The following PDGFRA variants were observed in gnomAD, a reference collection of about 807,000 sequenced individuals.
The protein encoded by PDGFRA is platelet-derived growth factor receptor alpha.
Under a neutral mutation model 121.5 loss-of-function variants are expected in PDGFRA, and 25 were observed. The ratio of observed to expected loss-of-function variants is 0.21; its 90% CI spans 0.15 to 0.29. PDGFRA has a LOEUF of 0.29. PDGFRA is among the 10% of genes least tolerant of loss of function. The pLI is 1.00. For missense variants in PDGFRA, 1,008 were observed against 1,345.1 expected, an observed-to-expected ratio of 0.75 and a Z score of 3.92; for synonymous variants, 463 against 494.8, an observed-to-expected ratio of 0.94 and a Z score of 0.85.
rs1723525802 is a variant in PDGFRA at position 54,273,574 on chromosome 4, A to G, written c.1402A>G (p.Asn468Asp). 2.5e-6 allele frequency: 4 copies of G among 1,614,122 alleles called. No homozygotes were observed. Among genetic ancestry groups the G allele is most frequent in the Non-Finnish European group, 3.4e-6 (4 of 1,180,020 alleles). The change falls in exon 10 of 23, where the codon AAT (asparagine) becomes GAT (aspartate). Residue 468 changes from asparagine (N) to aspartate (D), a missense_variant. Asn to Asp is a conservative substitution (Grantham distance 23, BLOSUM62 1). Around this residue, in one of 5 missense-constraint regions of PDGFRA, gnomAD observed 575 missense variants for 701.8 expected, o/e 0.82. Coordinates refer to ENST00000257290, the MANE Select transcript of PDGFRA (RefSeq NM_006206.6). ...AACTTCCTGGACTATTTTGGCCAAC[A>G]ATGTCTCAAACATCATCACGGAGAT... Reference protein sequence around the residue: ...NETSWTILANNVSNIITEIHS... With the variant: ...NETSWTILANDVSNIITEIHS...
In PDGFRA at chr4:54,279,756, T is replaced by G. The variant is rs567713996; in HGVS notation, c.2157-560T>G. ...GTCCATTGTGTCATTCTTATGCCTT[T>G]GCATCCTCATAGCTTAGCTCTCACT... On this transcript the variant is annotated intron_variant, in intron 15 of 22. Coordinates refer to ENST00000257290, the MANE Select transcript of PDGFRA (RefSeq NM_006206.6). Among the ~76,000 whole-genome samples, 69 of 152,290 alleles carry G rather than the reference T, an allele frequency of 4.5e-4. No individual in the cohort carries two copies. In the South Asian group the frequency reaches 0.014, roughly 32 times the overall value.
chr4:54,242,006 C>A (rs1721327990), intron 1 of PDGFRA, among the ~76,000 whole-genome samples: 1 of 152,144 alleles, frequency 6.6e-6, no homozygotes, highest in Non-Finnish European at 1.5e-5. Flanking sequence ...AGATTTATAT[C>A]TTTTCCTTTT....
At position 54,296,367 on chromosome 4, in the gene PDGFRA, G is replaced by GTTTTTTT. The variant is rs34529347; in HGVS notation, c.*1105_*1111dup. On this transcript the variant is annotated 3_prime_UTR_variant, in exon 23 of 23. Coordinates refer to ENST00000257290, the MANE Select transcript of PDGFRA (RefSeq NM_006206.6). ...CAGCAAAAAGACTGGATTTGCAGAAGTTTTTTTTTTTTTTTTCTTCATGCC... is the reference window on the plus strand; with the variant it reads ...CAGCAAAAAGACTGGATTTGCAGAAGTTTTTTTTTTTTTTTTTTTTTTTCTTCATGCC... 9.8e-6 allele frequency: 2 copies of GTTTTTTT among 204,280 alleles called. No homozygotes were observed. The highest frequency in any genetic ancestry group is 2.4e-5 in the African/African-American group (1 of 42,436). The allele number at this position is 204,280 out of a possible 1,614,324, so 12.7% of individuals were successfully genotyped here.
In PDGFRA at chr4:54,279,901, G is replaced by GTT. The variant is rs1553905233; in HGVS notation, c.2157-414_2157-413dup. Among the ~76,000 whole-genome samples the GTT allele has an allele frequency of 6.9e-3, 901 of 130,102 alleles. 6 individuals are homozygous for GTT. The highest frequency in any genetic ancestry group is 0.012 in the Non-Finnish European group (731 of 63,270). The allele number at this position is 130,102 out of a possible 152,430, so 85.4% of individuals were successfully genotyped here. Reference sequence around the variant, plus strand: ...TTAATTCATTCCTTTTTATAGCTGAGTTACATATATATATATATATATGCA... The same window carrying GTT: ...TTAATTCATTCCTTTTTATAGCTGAGTTTTACATATATATATATATATATGCA... On this transcript the variant is annotated intron_variant, in intron 15 of 22. Transcript: ENST00000257290.
In PDGFRA at chr4:54,297,211, T is replaced by C. The variant is rs368579295; in HGVS notation, c.*1939T>C. The C allele has an allele frequency of 7.8e-4, 182 of 233,684 alleles. 4 individuals carry two copies. The South Asian group carries it at 0.03, about 39-fold the overall frequency. The allele number at this position is 233,684 out of a possible 1,614,324, so 14.5% of individuals were successfully genotyped here. On this transcript the variant is annotated 3_prime_UTR_variant, in exon 23 of 23. Transcript: ENST00000257290. ...CATTGGCATTCTTTGCAATACTGCT[T>C]AATTGCTGATACCATATGAATGAAA... is the stretch of plus-strand genomic sequence containing the variant.
chr4:54,277,554 G>A, intron 13 of PDGFRA, 62 bp downstream of exon 13: 2 of 1,096,540 alleles, frequency 1.8e-6, no homozygotes, highest in Non-Finnish European at 2.8e-6. Flanking sequence ...GGGATATTAA[G>A]GGAATTTCTC....
chr4:54,281,521 C>T (rs1009972479), intron 16 of PDGFRA: 32 of 1,170,704 alleles, frequency 2.7e-5, no homozygotes, highest in South Asian at 1.2e-4. Context: ...TGAGAGTTAT[C>T]GGAACCAGTA....
chr4:54,239,214 C>T (rs1401267324), intron 1 of PDGFRA, among the ~76,000 whole-genome samples: 2 of 152,232 alleles, frequency 1.3e-5, no homozygotes, highest in African/African-American at 4.8e-5. Flanking sequence ...GGGAGGAACC[C>T]TCAGTCCTGG....
chr4:54,274,111 T>C (rs1329202081), intron 10 of PDGFRA, among the ~76,000 whole-genome samples: 1 of 152,216 alleles, frequency 6.6e-6, no homozygotes, highest in Non-Finnish European at 1.5e-5. Context: ...ATCTTCTGTC[T>C]CATTGCTCCT....
chr4:54,294,601 G>C (rs994742855), intron 22 of PDGFRA, among the ~76,000 whole-genome samples: 1 of 151,988 alleles, frequency 6.6e-6, no homozygotes, highest in African/African-American at 2.4e-5. Flanking sequence ...TCTCTAGTAC[G>C]TAAGGAGCCG....
chr4:54,240,097 C>A, intron 1 of PDGFRA: 1 of 403,190 alleles, frequency 2.5e-6, no homozygotes, highest in Non-Finnish European at 5.1e-6. Context: ...AAATGATCTG[C>A]CTGCCTCAGC....
intron 1 of PDGFRA, among the ~76,000 whole-genome samples, chr4:54,245,269 G>C (rs1721572553): frequency 6.6e-6 from 1 of 152,160 alleles, no homozygotes; most frequent in Non-Finnish European, 1.5e-5. Context: ...ATAATTGTCA[G>C]ATTCACCAAA....
intron 16 of PDGFRA, among the ~76,000 whole-genome samples, chr4:54,283,148 C>T (rs373272018): frequency 1.3e-5 from 2 of 152,312 alleles, no homozygotes; most frequent in South Asian, 4.2e-4. Flanking sequence ...CTCGTAGCTT[C>T]ACGAGGCAGT....
intron 16 of PDGFRA, among the ~76,000 whole-genome samples, chr4:54,284,869 T>G: frequency 7.1e-6 from 1 of 141,524 alleles, no homozygotes. Flanking sequence ...CTTTCTTTCA[T>G]TCTTTCTATC....
chr4:54,295,774 A>G lies in PDGFRA; in HGVS notation c.*502A>G, dbSNP rs2110360059. 1 of 243,382 alleles carries G rather than the reference A, an allele frequency of 4.1e-6. No homozygotes were observed. The highest frequency in any genetic ancestry group is 5.9e-5 in the East Asian group (1 of 17,034). The allele number at this position is 243,382 out of a possible 1,614,324, so 15.1% of individuals were successfully genotyped here. A position where few individuals can be genotyped will look rare whatever the true frequency, so the allele number is the denominator to read the frequency against. Reference sequence around the variant, plus strand: ...AACTTTTTAAAGAAGTGCATGAAAAACCATTTTTGAACCTTAAAAGGTACT... The same window carrying G: ...AACTTTTTAAAGAAGTGCATGAAAAGCCATTTTTGAACCTTAAAAGGTACT... On this transcript the variant is annotated 3_prime_UTR_variant, in exon 23 of 23. Transcript: ENST00000257290.
chr4:54,241,295 G>A (rs910925355), intron 1 of PDGFRA, among the ~76,000 whole-genome samples: 16 of 152,060 alleles, frequency 1.1e-4, no homozygotes, highest in South Asian at 2.1e-4. Flanking sequence ...ATATGAAGAC[G>A]TATTTTTGGT....
chr4:54,246,487 A>T (rs1415264479), intron 1 of PDGFRA, among the ~76,000 whole-genome samples: 1 of 152,200 alleles, frequency 6.6e-6, no homozygotes, highest in Non-Finnish European at 1.5e-5. Flanking sequence ...TAACGAAATG[A>T]AGGCAGAAAT....
chr4:54,284,879 C>CTTTTTTTTTTTTTTTT lies in PDGFRA; in HGVS notation c.2324-485_2324-470dup, dbSNP rs5858264. On this transcript the variant is annotated intron_variant, in intron 16 of 22. Coordinates refer to ENST00000257290, the MANE Select transcript of PDGFRA (RefSeq NM_006206.6). ...CTTTCCTTTCTTTCATTCTTTCTAT[C>CTTTTTTTTTTTTTTTT]TTTTTTTTTTTTTTTTTTTTTTGAG... 1.8e-4 allele frequency among the ~76,000 whole-genome samples: 18 copies of CTTTTTTTTTTTTTTTT among 101,240 alleles called. 4 individuals are homozygous for CTTTTTTTTTTTTTTTT. The highest frequency in any genetic ancestry group is 2.6e-4 in the Admixed American group (2 of 7,700). The allele number at this position is 101,240 out of a possible 152,430, so 66.4% of individuals were successfully genotyped here.
At position 54,273,707 on chromosome 4, in the gene PDGFRA, G is replaced by T. The variant is rs1174017872; in HGVS notation, c.1535G>T (p.Arg512Leu). Residue 512 changes from arginine to leucine, a missense_variant, in exon 10 of 23, where the codon CGA becomes CTA. Around this residue, in one of 5 missense-constraint regions of PDGFRA, gnomAD observed 575 missense variants for 701.8 expected, o/e 0.82. Transcript: ENST00000257290. Reference protein sequence around the residue: ...LAKNLLGAENRELKLVAPTLR... With the variant: ...LAKNLLGAENLELKLVAPTLR... ...AAGAATCTCCTTGGAGCTGAGAACCGAGAGCTGAAGCTGGTGGCTCCCAGT... is the reference window on the plus strand; with the variant it reads ...AAGAATCTCCTTGGAGCTGAGAACCTAGAGCTGAAGCTGGTGGCTCCCAGT... 2 of 1,613,500 alleles carry T rather than the reference G, an allele frequency of 1.2e-6. No homozygotes were observed. Among genetic ancestry groups the T allele is most frequent in the Non-Finnish European group, 1.7e-6 (2 of 1,179,996 alleles).
Sources: allele counts gnomAD v4.1 joint callset (sites outside exome capture counted in the v4.1 genomes callset), GRCh38; gene constraint gnomAD v4.1.1; regional missense constraint gnomAD v4.1.1; transcripts MANE v1.5; gene names NCBI Gene and HGNC (gene_info 2026-07-23, HGNC 2026-07-21).